BACH2: variants seen among roughly 807,000 people sequenced by gnomAD.
BACH2 encodes the protein transcription regulator protein BACH2.
In BACH2, 5 loss-of-function variants were observed where a neutral mutation model predicts 61.8. That is an observed-to-expected ratio of 0.08 (90% CI 0.04 to 0.17). The LOEUF (loss-of-function observed/expected upper bound fraction) is 0.17, where lower values mean the gene tolerates loss of function less well. Ranked by LOEUF, BACH2 falls within the 10% of genes least tolerant of loss-of-function variation. BACH2 has a pLI of 1.00. For synonymous variants in BACH2, 446 were observed against 440.1 expected (o/e 1.01, Z -0.17); for missense variants, 824 against 1,091.1 (o/e 0.76, Z 3.45).
chr6:90,163,389 A>G (rs9451364), intron 4 of BACH2, among the ~76,000 whole-genome samples: 2,123 of 152,284 alleles, frequency 0.014, 51 homozygotes, highest in African/African-American at 0.047. Flanking sequence ...ATTTATCTAC[A>G]CCAAAATTTT....
At chr6:90,023,247 C>T (rs1488216904) in intron 5 of BACH2, among the ~76,000 whole-genome samples, 1 of 152,150 alleles carries the variant, frequency 6.6e-6, no homozygotes, top group Admixed American at 6.5e-5. Flanking sequence ...CAATTGTAAT[C>T]CCCGATGCTG....
At chr6:89,953,579 A>G (rs1423769736) in intron 6 of BACH2, among the ~76,000 whole-genome samples, 1 of 152,218 alleles carries the variant, frequency 6.6e-6, no homozygotes. Context: ...TGTTTCTACC[A>G]TAAGACAGCA....
intron 1 of BACH2, among the ~76,000 whole-genome samples, chr6:90,282,084 A>G (rs1333675923): frequency 6.6e-6 from 1 of 152,090 alleles, no homozygotes; most frequent in African/African-American, 2.4e-5. Flanking sequence ...ATTCGATTCA[A>G]TGTTGATGGG....
chr6:90,184,190 C>T (rs1341780312), intron 4 of BACH2, among the ~76,000 whole-genome samples: 2 of 152,104 alleles, frequency 1.3e-5, no homozygotes, highest in Non-Finnish European at 1.5e-5. Flanking sequence ...TAAAAAAGTG[C>T]CAGGCAAGAA....
intron 4 of BACH2, among the ~76,000 whole-genome samples, chr6:90,133,553 T>C (rs1227512805): frequency 6.6e-6 from 1 of 152,174 alleles, no homozygotes; most frequent in Non-Finnish European, 1.5e-5. Flanking sequence ...ATTTATTTTT[T>C]ATTGTACTTT....
intron 3 of BACH2, among the ~76,000 whole-genome samples, chr6:90,234,475 G>C (rs1770198519): frequency 6.6e-6 from 1 of 152,148 alleles, no homozygotes. Context: ...ACCTTAGCCT[G>C]AAAAAGCTCT....
intron 3 of BACH2, among the ~76,000 whole-genome samples, chr6:90,227,293 C>T (rs75140547): frequency 0.016 from 2,447 of 152,306 alleles, 43 homozygotes; most frequent in East Asian, 0.069. Flanking sequence ...ATCCCTCGGG[C>T]GGTATACCAC....
intron 4 of BACH2, among the ~76,000 whole-genome samples, chr6:90,123,372 C>A (rs1017044788): frequency 6.6e-6 from 1 of 152,226 alleles, no homozygotes; most frequent in Non-Finnish European, 1.5e-5. Flanking sequence ...GACTTCAGGC[C>A]ACCAGAACTG....
chr6:89,938,807 T>C (rs1290184509), intron 7 of BACH2, among the ~76,000 whole-genome samples: 1 of 152,070 alleles, frequency 6.6e-6, no homozygotes, highest in African/African-American at 2.4e-5. Context: ...AAAAACCCAG[T>C]GTGATTCTTA....
intron 4 of BACH2, among the ~76,000 whole-genome samples, chr6:90,113,914 C>A (rs1036665672): frequency 7.9e-5 from 12 of 151,936 alleles, no homozygotes; most frequent in Non-Finnish European, 2.9e-5. Context: ...AACTAGAAAA[C>A]CTAGACAAGA....
chr6:90,042,318 G>A (rs918096169), intron 5 of BACH2, among the ~76,000 whole-genome samples: 3 of 151,880 alleles, frequency 2.0e-5, no homozygotes, highest in Admixed American at 6.6e-5. Context: ...TCAGCTTCCC[G>A]AATAGCTGGG....
At chr6:90,047,654 T>C (rs1055098778) in intron 5 of BACH2, among the ~76,000 whole-genome samples, 1 of 152,176 alleles carries the variant, frequency 6.6e-6, no homozygotes, top group Non-Finnish European at 1.5e-5. Context: ...GGAGTATTTA[T>C]ATTCTGAGGG....
chr6:90,278,793 C>G (rs1771770603), intron 1 of BACH2, among the ~76,000 whole-genome samples: 1 of 152,190 alleles, frequency 6.6e-6, no homozygotes, highest in Admixed American at 6.5e-5. Flanking sequence ...CTTCTTTTCT[C>G]TGAGAGCTCT....
Position 90,296,688 on chromosome 6 carries a change from C to T in BACH2, c.-654G>A, listed in dbSNP as rs1772411556. ...GGGCGAGGGGAGGCCGGGGGGAAAGCGAGAGCGGGGCGGCGGCGGGAGTGG... is the reference window on the plus strand; with the variant it reads ...GGGCGAGGGGAGGCCGGGGGGAAAGTGAGAGCGGGGCGGCGGCGGGAGTGG... On this transcript the variant is annotated 5_prime_UTR_variant, in exon 1 of 9. Transcript: ENST00000257749. The T allele has an allele frequency of 6.5e-6, 1 of 153,276 alleles. No individual in the cohort carries two copies. Among genetic ancestry groups the T allele is most frequent in the Admixed American group, 6.6e-5 (1 of 15,260 alleles). The allele number at this position is 153,276 out of a possible 1,614,324, so 9.5% of individuals were successfully genotyped here.
At chr6:89,944,352 A>G (rs186739217) in intron 7 of BACH2, among the ~76,000 whole-genome samples, 108 of 152,370 alleles carry the variant, frequency 7.1e-4, no homozygotes, top group African/African-American at 2.4e-3. Context: ...TATTAGCCCT[A>G]TCTATCTCTG....
chr6:90,119,907 C>T (rs762454915), intron 4 of BACH2, among the ~76,000 whole-genome samples: 2 of 152,082 alleles, frequency 1.3e-5, no homozygotes, highest in African/African-American at 4.8e-5. Flanking sequence ...CAATCTGTGA[C>T]GAGACAATGG....
chr6:90,128,901 T>C (rs1325611441), intron 4 of BACH2, among the ~76,000 whole-genome samples: 2 of 152,188 alleles, frequency 1.3e-5, no homozygotes, highest in Non-Finnish European at 2.9e-5. Context: ...GATGAGTTCA[T>C]GTCCTTTGTG....
At chr6:90,209,682 A>G (rs1769275558) in intron 3 of BACH2, among the ~76,000 whole-genome samples, 2 of 152,186 alleles carry the variant, frequency 1.3e-5, no homozygotes. Context: ...TCCCTGAGGA[A>G]CCCCACCCAG....
chr6:90,154,887 C>T (rs7743505), intron 4 of BACH2, among the ~76,000 whole-genome samples: 5,285 of 152,190 alleles, frequency 0.035, 141 homozygotes, highest in East Asian at 0.091. Context: ...GGATAACCCA[C>T]ATGCTGGCCC....
Sources: allele counts gnomAD v4.1 joint callset (sites outside exome capture counted in the v4.1 genomes callset), GRCh38; gene constraint gnomAD v4.1.1; transcripts MANE v1.5; gene names NCBI Gene and HGNC (gene_info 2026-07-23, HGNC 2026-07-21).